KCNC4: variants seen among roughly 807,000 people sequenced by gnomAD.
KCNC4 encodes potassium voltage-gated channel subfamily C member 4.
A neutral mutation model predicts 42.8 loss-of-function variants in KCNC4; 23 were observed. The observed-to-expected ratio is 0.54, with a 90% CI of 0.39 to 0.76. The LOEUF (loss-of-function observed/expected upper bound fraction) is 0.76, where lower values mean the gene tolerates loss of function less well. Among genes scored for constraint, KCNC4 ranks in the 30% least tolerant of loss-of-function variants. The pLI is 0.00. For synonymous variants in KCNC4, 422 were observed against 393.5 expected, an observed-to-expected ratio of 1.07 and a Z score of -0.86; for missense variants, 751 against 898.2, an observed-to-expected ratio of 0.84 and a Z score of 2.10.
At chr1:110,237,419 C>T (rs1462007881), downstream of KCNC4, 2 of 151,974 alleles carry the variant, frequency 1.3e-5, no homozygotes, top group Non-Finnish European at 2.9e-5. Context: ...ACATGGTTAA[C>T]ATCTGGTGTG....
At chr1:110,229,400 C>T (rs1658580768) in intron 3 of KCNC4, among the ~76,000 whole-genome samples, 1 of 152,152 alleles carries the variant, frequency 6.6e-6, no homozygotes. Context: ...AGGCCCTTCC[C>T]TCAGGAAGCC....
rs762372316 is a variant in KCNC4, at chr1:110,211,984, A to C, written c.485A>C (p.Glu162Ala). 1 of 1,610,272 alleles carries C rather than the reference A, an allele frequency of 6.2e-7. No homozygotes were observed. The highest frequency in any genetic ancestry group is 1.7e-5 in the Admixed American group (1 of 59,884). Residue 162 changes from glutamate (E) to alanine (A), a missense_variant, in exon 1 of 4, where the codon GAG (glutamate) becomes GCG (alanine). This residue lies in a region of KCNC4 where 183 missense variants were observed against 255.8 expected (regional missense o/e 0.72). Transcript: ENST00000438661. The surrounding 1 kb of genome is among the most constrained non-coding windows in gnomAD (Gnocchi z 6.5). ...RDAEEALDIF[E>A]SPDGGGSGAG... ...GCCGAGGAGGCGCTCGACATCTTCG[A>C]GAGCCCGGACGGAGGCGGCAGCGGC...
intron 1 of KCNC4, among the ~76,000 whole-genome samples, chr1:110,279,792 A>ATTTTTTTT (rs746438498): frequency 1.8e-4 from 18 of 98,576 alleles, no homozygotes; most frequent in Non-Finnish European, 2.7e-4. Flanking sequence ...GGCTTTAGGA[A>ATTTTTTTT]TTTTTTTTTT....
intron 1 of KCNC4, among the ~76,000 whole-genome samples, chr1:110,214,154 C>T (rs1657654745): frequency 6.6e-6 from 1 of 152,340 alleles, no homozygotes; most frequent in South Asian, 2.1e-4. Context: ...GCCCCTTTGA[C>T]ATGGAATCAC....
chr1:110,214,896 G>C lies in KCNC4; in HGVS notation c.678+2719G>C, dbSNP rs72988886. Among the ~76,000 whole-genome samples, 5 of 152,252 alleles carry C rather than the reference G, an allele frequency of 3.3e-5. No individual in the cohort carries two copies. In the East Asian group the frequency reaches 7.7e-4, roughly 24 times the overall value. On this transcript the variant is annotated intron_variant, in intron 1 of 3. Coordinates refer to ENST00000438661, the MANE Select transcript of KCNC4 (RefSeq NM_001039574.3). ...CAGGCCTGAGGGTACTATGCCATGC[G>C]GGGAGTTCTGGGGCTGCACTTTCCC...
chr1:110,271,834 ACTGTACAGTGACT>A (rs1346908216), intron 1 of KCNC4, among the ~76,000 whole-genome samples: 1 of 152,108 alleles, frequency 6.6e-6, no homozygotes, highest in Non-Finnish European at 1.5e-5. Flanking sequence ...CTTGCTGCCA[ACTGTACAGTGACT>A]CTGAAAAGCA....
chr1:110,278,350 G>C (rs973957506), intron 1 of KCNC4, among the ~76,000 whole-genome samples: 14 of 152,084 alleles, frequency 9.2e-5, no homozygotes, highest in Admixed American at 3.9e-4. Context: ...TTGCTTCCTG[G>C]GGACATTTGG....
intron 1 of KCNC4, among the ~76,000 whole-genome samples, chr1:110,273,094 C>T (rs1321148207): frequency 6.6e-6 from 1 of 152,290 alleles, no homozygotes; most frequent in African/African-American, 2.4e-5. Flanking sequence ...AGCTTCACCT[C>T]TGTAACTGCA....
At chr1:110,261,954 A>G (rs1335918070) in intron 1 of KCNC4, among the ~76,000 whole-genome samples, 1 of 152,268 alleles carries the variant, frequency 6.6e-6, no homozygotes, top group East Asian at 1.9e-4. Context: ...AAAATTGATG[A>G]CATGCTAAGG....
intron 1 of KCNC4, among the ~76,000 whole-genome samples, chr1:110,276,589 G>T (rs1659730814): frequency 6.6e-6 from 1 of 152,096 alleles, no homozygotes; most frequent in Non-Finnish European, 1.5e-5. Flanking sequence ...CCAACCTCCT[G>T]TGCCCCACAT....
At chr1:110,254,574 C>T (rs746706210) in intron 1 of KCNC4, among the ~76,000 whole-genome samples, 2 of 152,186 alleles carry the variant, frequency 1.3e-5, no homozygotes, top group Non-Finnish European at 2.9e-5. Context: ...GCATAGGCTG[C>T]TTGCTCTAAA....
intron 1 of KCNC4, chr1:110,219,643 C>T (rs1421201431): frequency 6.6e-6 from 1 of 152,170 alleles, no homozygotes; most frequent in African/African-American, 2.4e-5. Context: ...GCTTTGGCCT[C>T]TAAGCAGGGT....
chr1:110,265,402 TAAAATAAAATAAAA>T lies in KCNC4; in HGVS notation n.31-17131_31-17118del, dbSNP rs1557874049. The stretch of plus-strand genomic sequence containing the variant: ...TAAAATAAAATAAAATAAAATAAAA[TAAAATAAAATAAAA>T]TAAAATATTCCCCACCCAGAGGATG... On this transcript the variant is annotated intron_variant and non_coding_transcript_variant, in intron 1 of 2. Transcript: ENST00000412512. 3.3e-4 allele frequency among the ~76,000 whole-genome samples: 37 copies of T among 110,528 alleles called. 3 individuals carry two copies. The East Asian group carries it at 8.3e-3, about 25-fold the overall frequency. The allele number at this position is 110,528 out of a possible 152,430, so 72.5% of individuals were successfully genotyped here.
intron 1 of KCNC4, among the ~76,000 whole-genome samples, chr1:110,271,970 C>T (rs1368896938): frequency 1.3e-5 from 2 of 152,122 alleles, no homozygotes; most frequent in Non-Finnish European, 2.9e-5. Context: ...TTGTCCACAC[C>T]ATGATGGACA....
chr1:110,280,401 G>A (rs2101094674), intron 1 of KCNC4, among the ~76,000 whole-genome samples: 1 of 152,206 alleles, frequency 6.6e-6, no homozygotes, highest in African/African-American at 2.4e-5. Flanking sequence ...GGGGGAGGGA[G>A]TGGCAATGGG....
chr1:110,278,768 G>T (rs1028828191), intron 1 of KCNC4, among the ~76,000 whole-genome samples: 1 of 152,128 alleles, frequency 6.6e-6, no homozygotes, highest in Non-Finnish European at 1.5e-5. Context: ...CCCGGGGTCA[G>T]CAGAACACCC....
Position 110,215,740 on chromosome 1 carries a change from C to G in KCNC4, c.678+3563C>G, listed in dbSNP as rs373106273. 9.8e-5 allele frequency among the ~76,000 whole-genome samples: 15 copies of G among 152,316 alleles called. No individual in the cohort carries two copies. The East Asian group carries it at 1.9e-3, about 20-fold the overall frequency. ...TGCTTTCTGCTACTACTCATCTGGC[C>G]TAGGTGAGGCAGATATTGTTAACAT... On this transcript the variant is annotated intron_variant, in intron 1 of 3. Coordinates refer to ENST00000438661, the MANE Select transcript of KCNC4 (RefSeq NM_001039574.3).
chr1:110,245,365 A>C (rs1193505978), exon 4 of KCNC4: 1 of 152,182 alleles, frequency 6.6e-6, no homozygotes, highest in East Asian at 1.9e-4. Flanking sequence ...TCCATTCCTC[A>C]AGTTCTAACT....
chr1:110,211,440 C>A lies in KCNC4; in HGVS notation c.-60C>A. ...CCCCTCCCCCGTCTGACGCTGCCTC[C>A]TCGGGAAGGGTGTTTGGAGGGCAGC... On this transcript the variant is annotated 5_prime_UTR_variant, in exon 1 of 4. Coordinates refer to ENST00000438661, the MANE Select transcript of KCNC4 (RefSeq NM_001039574.3). This position sits in a 1 kb window ranked among gnomAD's most constrained non-coding sequence, Gnocchi z 6.5. 1 of 1,530,636 alleles carries A rather than the reference C, an allele frequency of 6.5e-7. No homozygotes were observed. The highest frequency in any genetic ancestry group is 8.8e-7 in the Non-Finnish European group (1 of 1,135,360). The allele number at this position is 1,530,636 out of a possible 1,614,324, so 94.8% of individuals were successfully genotyped here. A position where few individuals can be genotyped will look rare whatever the true frequency, so the allele number is the denominator to read the frequency against.
Sources: allele counts gnomAD v4.1 joint callset (sites outside exome capture counted in the v4.1 genomes callset), GRCh38; gene constraint gnomAD v4.1.1; regional missense constraint gnomAD v4.1.1; non-coding constraint Gnocchi (gnomAD v3.1); transcripts MANE v1.5; gene names NCBI Gene and HGNC (gene_info 2026-07-23, HGNC 2026-07-21).